APC: variants seen among roughly 807,000 people sequenced by gnomAD.
APC encodes the protein APC regulator of Wnt signaling pathway.
In APC, 72 loss-of-function variants were observed where a neutral mutation model predicts 247.0. The ratio of observed to expected loss-of-function variants is 0.29; its 90% CI spans 0.24 to 0.35. The LOEUF is 0.35. APC is among the 10% of genes least tolerant of loss of function. The pLI, the probability that APC is intolerant of heterozygous loss-of-function variation, is 1.00. For synonymous variants in APC, 1,254 were observed against 1,162.5 expected (o/e 1.08, Z -1.60); for missense variants, 3,400 against 3,360.7 (o/e 1.01, Z -0.29).
intron 9 of APC, among the ~76,000 whole-genome samples, chr5:112,816,698 CAGG>C (rs1212523758): frequency 2.0e-5 from 3 of 151,056 alleles, no homozygotes; most frequent in Admixed American, 6.6e-5. Flanking sequence ...GAGGCTGAGG[CAGG>C]AGAATTGTTT....
chr5:112,808,450 G>A (rs747127599), intron 8 of APC, among the ~76,000 whole-genome samples: 21 of 152,160 alleles, frequency 1.4e-4, no homozygotes, highest in South Asian at 8.3e-4. Context: ...GTTTTCTGGG[G>A]TTTTGTTTTT....
rs1160474842 is a variant in APC, at chr5:112,836,174, C to CA, written c.1958+1009_1958+1010insA. On this transcript the variant is annotated intron_variant, in intron 15 of 15. Transcript: ENST00000257430. Reference sequence around the variant, plus strand: ...TAGCTGGGATTACAGGTCCCCCCCCCCCCCCGCCACCGTGCCCGGCTAATT... The same window carrying CA: ...TAGCTGGGATTACAGGTCCCCCCCCCACCCCCGCCACCGTGCCCGGCTAATT... Among the ~76,000 whole-genome samples the CA allele has an allele frequency of 3.3e-4, 25 of 76,594 alleles. 6 individuals are homozygous for CA. The East Asian group carries it at 9.9e-3, about 30-fold the overall frequency. The allele number at this position is 76,594 out of a possible 152,430, so 50.2% of individuals were successfully genotyped here. A position where few individuals can be genotyped will look rare whatever the true frequency, so the allele number is the denominator to read the frequency against.
intron 1 of APC, among the ~76,000 whole-genome samples, chr5:112,718,515 G>T (rs1236828616): frequency 1.3e-5 from 2 of 152,298 alleles, no homozygotes; most frequent in East Asian, 3.9e-4. Flanking sequence ...ACCCTTGGTG[G>T]GTCTCAGACT....
At chr5:112,818,855 G>GGGTGTTTTGTTTTTTTTGAGTTA in intron 9 of APC, 111 bp from the exon 10 acceptor site, 4 of 1,118,292 alleles carry the variant, frequency 3.6e-6, no homozygotes, top group Admixed American at 2.0e-5. Context: ...GGCGGGGGGG[G>GGGTGTTTTGTTTTTTTTGAGTTA]TTGTTTTGTT....
At position 112,799,107 on chromosome 5, in the gene APC, G is replaced by A. The variant is rs147284822; in HGVS notation, c.730-2172G>A. Among the ~76,000 whole-genome samples the A allele has an allele frequency of 1.8e-3, 264 of 148,782 alleles. 1 individual carries two copies. Among genetic ancestry groups the A allele is most frequent in the Non-Finnish European group, 2.9e-3 (197 of 67,658 alleles). The stretch of plus-strand genomic sequence containing the variant: ...GCCTGTAATCCCAGCTACTTGGGAG[G>A]CTGAGGCATGAGAATCGTTTGAGCC... On this transcript the variant is annotated intron_variant, in intron 7 of 15. Coordinates refer to ENST00000257430, the MANE Select transcript of APC (RefSeq NM_000038.6).
intron 1 of APC, among the ~76,000 whole-genome samples, chr5:112,724,870 A>G (rs559929794): frequency 6.6e-6 from 1 of 152,358 alleles, no homozygotes; most frequent in South Asian, 2.1e-4. Flanking sequence ...AGGACCTTAC[A>G]TATAGTGCTA....
chr5:112,790,850 T>A (rs941589553), intron 6 of APC, among the ~76,000 whole-genome samples: 1 of 152,238 alleles, frequency 6.6e-6, no homozygotes, highest in Non-Finnish European at 1.5e-5. Flanking sequence ...AAATATTTTA[T>A]TGATGGAGAA....
In APC at chr5:112,841,762, C is replaced by G. The variant is rs878853461; in HGVS notation, c.6168C>G (p.Leu2056=). ...CAAAAAAGAAAAAGCCTTCAAGACT[C>G]AAGGGTGATAATGAAAAACATAGTC... is the stretch of plus-strand genomic sequence containing the variant. ...AMPKKKKPSR[L]KGDNEKHSPR... is the part of the protein sequence containing the mutation. The change falls in exon 16 of 16, where the codon CTC becomes CTG. Residue 2056 remains leucine, a synonymous_variant. Transcript: ENST00000257430. The surrounding 1 kb of genome is among the most constrained non-coding windows in gnomAD (Gnocchi z 4.6). 1.2e-6 allele frequency: 2 copies of G among 1,613,890 alleles called. No homozygotes were observed. Among genetic ancestry groups the G allele is most frequent in the African/African-American group, 2.7e-5 (2 of 74,926 alleles).
intron 2 of APC, among the ~76,000 whole-genome samples, chr5:112,757,185 A>G (rs1755076030): frequency 1.3e-5 from 2 of 152,290 alleles, no homozygotes; most frequent in Admixed American, 1.3e-4. Flanking sequence ...TGGTACCATA[A>G]CAATTACAGC....
At position 112,818,849 on chromosome 5, in the gene APC, G is replaced by A; in HGVS notation, c.934-117G>A. 2 of 1,056,782 alleles carry A rather than the reference G, an allele frequency of 1.9e-6. 1 individual carries two copies. The highest frequency in any genetic ancestry group is 2.8e-6 in the Non-Finnish European group (2 of 722,678). The allele number at this position is 1,056,782 out of a possible 1,614,324, so 65.5% of individuals were successfully genotyped here. On this transcript the variant is annotated intron_variant, in intron 9 of 15. Transcript: ENST00000257430. Reference sequence around the variant, plus strand: ...CCGGTTTTTTGTTTTTTTTTTGGCGGGGGGGGTTGTTTTGTTTTTTTAGAG... The same window carrying A: ...CCGGTTTTTTGTTTTTTTTTTGGCGAGGGGGGTTGTTTTGTTTTTTTAGAG...
chr5:112,722,168 A>G (rs1035152971), intron 1 of APC, among the ~76,000 whole-genome samples: 1 of 152,224 alleles, frequency 6.6e-6, no homozygotes, highest in Non-Finnish European at 1.5e-5. Context: ...GAGTTCGTTG[A>G]TTAATTTATT....
chr5:112,803,135 A>T (rs1761013294), intron 8 of APC, among the ~76,000 whole-genome samples: 1 of 152,162 alleles, frequency 6.6e-6, no homozygotes, highest in South Asian at 2.1e-4. Context: ...ACACTCAGTA[A>T]TGGTGAGCAA....
intron 1 of APC, 108 bp downstream of exon 1, chr5:112,738,033 T>G: frequency 2.7e-6 from 2 of 730,958 alleles, no homozygotes; most frequent in Non-Finnish European, 3.3e-6. Flanking sequence ...CAGGGTCCAC[T>G]GCAGCATGCC....
At chr5:112,755,664 C>T (rs1165515497) in intron 2 of APC, among the ~76,000 whole-genome samples, 1 of 152,216 alleles carries the variant, frequency 6.6e-6, no homozygotes, top group Non-Finnish European at 1.5e-5. Flanking sequence ...TTCTGATCAC[C>T]TCCAAGACAG....
At chr5:112,733,592 T>C (rs2149675176), upstream of APC, among the ~76,000 whole-genome samples, 1 of 152,296 alleles carries the variant, frequency 6.6e-6, no homozygotes, top group South Asian at 2.1e-4. Flanking sequence ...GATTCCCCCT[T>C]AGAGCCTCTA....
At chr5:112,816,009 T>C (rs986231294) in intron 9 of APC, among the ~76,000 whole-genome samples, 3 of 152,248 alleles carry the variant, frequency 2.0e-5, no homozygotes, top group African/African-American at 7.2e-5. Flanking sequence ...GATTAGCTAA[T>C]TTTTAATTCT....
At chr5:112,765,943 G>C (rs78519130) in intron 2 of APC, among the ~76,000 whole-genome samples, 7 of 152,180 alleles carry the variant, frequency 4.6e-5, no homozygotes, top group African/African-American at 1.7e-4. Flanking sequence ...TGGTCATGTT[G>C]GTGCACGCTT....
intron 11 of APC, among the ~76,000 whole-genome samples, chr5:112,822,374 T>C (rs543417472): frequency 2.6e-5 from 4 of 152,332 alleles, no homozygotes; most frequent in East Asian, 3.9e-4. Flanking sequence ...TTGAACTCAG[T>C]CACTTTTGAT....
chr5:112,824,829 T>A (rs1054077569), intron 11 of APC, among the ~76,000 whole-genome samples: 2 of 152,190 alleles, frequency 1.3e-5, no homozygotes, highest in Non-Finnish European at 2.9e-5. Context: ...AGGCTCCTTT[T>A]CTTTTACCCA....
Sources: gnomAD v4.1 joint callset for allele counts (sites outside exome capture counted in the v4.1 genomes callset) on GRCh38, gnomAD v4.1.1 for gene constraint, Gnocchi (gnomAD v3.1) non-coding constraint, MANE v1.5 for transcripts, NCBI Gene and HGNC (gene_info 2026-07-23, HGNC 2026-07-21) for gene names.